The following CCDC169 variants were observed in gnomAD, a reference collection of about 807,000 sequenced individuals.
The protein encoded by CCDC169 is coiled-coil domain-containing protein 169.
CCDC169 carries 30 observed loss-of-function variants against 36.0 expected under a neutral mutation model. The ratio of observed to expected loss-of-function variants is 0.83; its 90% CI spans 0.62 to 1.13. CCDC169 has a LOEUF of 1.13. Ranked by LOEUF, CCDC169 falls within the 50% of genes most tolerant of loss-of-function variation. The pLI is 0.00. For missense variants in CCDC169, 245 were observed against 245.9 expected (o/e 1.00, Z 0.03); for synonymous variants, 85 against 81.5 (o/e 1.04, Z -0.23).
intron 6 of CCDC169, among the ~76,000 whole-genome samples, chr13:36,249,751 T>A (rs377443327): frequency 0.018 from 2,702 of 149,706 alleles, 73 homozygotes; most frequent in African/African-American, 0.063. Context: ...ATTAAGTAAG[T>A]CCTAGAGACA....
chr13:36,296,946 C>T (rs60024000), intron 1 of CCDC169, among the ~76,000 whole-genome samples: 3 of 152,192 alleles, frequency 2.0e-5, no homozygotes, highest in East Asian at 1.9e-4. Context: ...CAAGTACTTG[C>T]TCTTATTCTC....
downstream of CCDC169, chr13:36,222,950 G>A (rs1566052828): frequency 6.6e-6 from 1 of 152,112 alleles, no homozygotes; most frequent in Non-Finnish European, 1.5e-5. Context: ...ACAACAGGCT[G>A]TAATTAAAGT....
intron 2 of CCDC169, among the ~76,000 whole-genome samples, chr13:36,286,483 G>A (rs1200534567): frequency 1.3e-5 from 2 of 152,106 alleles, no homozygotes; most frequent in Non-Finnish European, 2.9e-5. Flanking sequence ...TCAGTTGCCT[G>A]GGGGAGCCAT....
At position 36,295,863 on chromosome 13, in the gene CCDC169, A is replaced by G; in HGVS notation, c.84-6T>C. The G allele has an allele frequency of 6.7e-7, 1 of 1,494,488 alleles. No homozygotes were observed. Among genetic ancestry groups the G allele is most frequent in the Non-Finnish European group, 9.0e-7 (1 of 1,105,252 alleles). 92.6% of individuals were successfully genotyped at this position (1,494,488 alleles called of 1,614,324 possible). ...TTGAGAGTTGCACTGCATCCCTGTT[A>G]TTTAAAATATTTTTGTTGATTATAA... On this transcript the variant is annotated splice_polypyrimidine_tract_variant and splice_region_variant and intron_variant, in intron 1 of 7. Coordinates refer to ENST00000239859, the MANE Select transcript of CCDC169 (RefSeq NM_001144981.3).
At chr13:36,233,872 A>C (rs151062609) in intron 7 of CCDC169, among the ~76,000 whole-genome samples, 3 of 152,362 alleles carry the variant, frequency 2.0e-5, no homozygotes, top group African/African-American at 7.2e-5. Context: ...AAATGGCCTT[A>C]CAAAGCTGTC....
intron 7 of CCDC169, among the ~76,000 whole-genome samples, chr13:36,237,391 T>C (rs551838409): frequency 5.0e-4 from 76 of 152,222 alleles, no homozygotes; most frequent in African/African-American, 1.8e-3. Context: ...TGGCAGTTCC[T>C]CAAAAAGATA....
chr13:36,250,322 G>A (rs970384505), intron 6 of CCDC169, among the ~76,000 whole-genome samples: 4 of 152,168 alleles, frequency 2.6e-5, no homozygotes, highest in African/African-American at 9.7e-5. Context: ...TGCAGAGACA[G>A]GAACAGCCAA....
intron 4 of CCDC169, among the ~76,000 whole-genome samples, chr13:36,271,047 AAGGAAC>A (rs769038071): frequency 6.6e-6 from 1 of 152,198 alleles, no homozygotes; most frequent in Non-Finnish European, 1.5e-5. Flanking sequence ...TAGAATCTAC[AAGGAAC>A]TCAAACAAAT....
chr13:36,230,115 T>C (rs1870256121), downstream of CCDC169, among the ~76,000 whole-genome samples: 1 of 152,202 alleles, frequency 6.6e-6, no homozygotes, highest in African/African-American at 2.4e-5. Flanking sequence ...AAATAAACTT[T>C]TATAGAAGAA....
chr13:36,297,610 C>G, intron 1 of CCDC169, 27 bp downstream of exon 1: 1 of 1,544,706 alleles, frequency 6.5e-7, no homozygotes, highest in East Asian at 2.4e-5. Flanking sequence ...TGGACGGGAC[C>G]CCACACCGCG....
chr13:36,280,347 T>C (rs1014682857), intron 4 of CCDC169: 2 of 152,142 alleles, frequency 1.3e-5, no homozygotes, highest in Admixed American at 1.3e-4. Flanking sequence ...AATACTAGAA[T>C]ATGGAGTTGT....
downstream of CCDC169, among the ~76,000 whole-genome samples, chr13:36,230,000 G>A (rs1359100060): frequency 6.6e-6 from 1 of 152,032 alleles, no homozygotes; most frequent in Non-Finnish European, 1.5e-5. Flanking sequence ...TTCCAATGTA[G>A]AATGATTTAT....
chr13:36,278,458 G>T (rs145629232), intron 4 of CCDC169, among the ~76,000 whole-genome samples: 269 of 152,174 alleles, frequency 1.8e-3, no homozygotes, highest in African/African-American at 6.0e-3. Context: ...TTTCTCCTAT[G>T]TCCTAGCCTC....
At chr13:36,265,467 G>A (rs555860785) in intron 4 of CCDC169, among the ~76,000 whole-genome samples, 56 of 152,338 alleles carry the variant, frequency 3.7e-4, no homozygotes, top group African/African-American at 1.2e-3. Context: ...ATCGGGCAAA[G>A]TAGCTGCAAA....
chr13:36,288,911 G>A (rs928417738), intron 2 of CCDC169, among the ~76,000 whole-genome samples: 1 of 151,890 alleles, frequency 6.6e-6, no homozygotes, highest in Non-Finnish European at 1.5e-5. Flanking sequence ...AAAATAAAAT[G>A]GCTAGTTATT....
chr13:36,270,210 T>C (rs1875853017), intron 4 of CCDC169, among the ~76,000 whole-genome samples: 1 of 151,792 alleles, frequency 6.6e-6, no homozygotes, highest in South Asian at 2.1e-4. Context: ...GGAATATACT[T>C]AAAGCAGGTG....
At chr13:36,265,188 G>C (rs934481840) in intron 4 of CCDC169, among the ~76,000 whole-genome samples, 10 of 152,268 alleles carry the variant, frequency 6.6e-5, no homozygotes, top group African/African-American at 1.7e-4. Context: ...ACTTTTGTCT[G>C]TTTATCCAGA....
chr13:36,253,149 T>C (rs9546882), intron 6 of CCDC169, among the ~76,000 whole-genome samples: 61,591 of 152,002 alleles, frequency 0.41, 13,257 homozygotes, highest in Non-Finnish European at 0.48. Flanking sequence ...GCACTTCTAC[T>C]AACAAAAGTT....
At chr13:36,261,328 C>T (rs539655520) in intron 4 of CCDC169, among the ~76,000 whole-genome samples, 27 of 152,180 alleles carry the variant, frequency 1.8e-4, no homozygotes, top group South Asian at 1.0e-3. Flanking sequence ...CAATAAGAGA[C>T]GACAACATAA....
Sources: allele counts gnomAD v4.1 joint callset (sites outside exome capture counted in the v4.1 genomes callset), GRCh38; gene constraint gnomAD v4.1.1; transcripts MANE v1.5; gene names NCBI Gene and HGNC (gene_info 2026-07-23, HGNC 2026-07-21).